The following DENND3 variants were observed in gnomAD, a reference collection of about 807,000 sequenced individuals.
The protein encoded by DENND3 is DENN domain-containing protein 3.
DENND3 carries 88 observed loss-of-function variants against 135.1 expected under a neutral mutation model. That is an observed-to-expected ratio of 0.65 (90% CI 0.55 to 0.78). The LOEUF (loss-of-function observed/expected upper bound fraction) is 0.78. DENND3 is among the 30% of genes least tolerant of loss of function. The pLI, the probability that DENND3 is intolerant of heterozygous loss-of-function variation, is 0.00. For missense variants in DENND3, 1,392 were observed against 1,688.4 expected (o/e 0.82, Z 3.08); for synonymous variants, 693 against 712.3 (o/e 0.97, Z 0.43).
chr8:141,143,264 G>T (rs1475919011), intron 4 of DENND3, among the ~76,000 whole-genome samples: 1 of 152,026 alleles, frequency 6.6e-6, no homozygotes. Context: ...AGTATGGGTA[G>T]TTTTTTTTAA....
intron 13 of DENND3, among the ~76,000 whole-genome samples, chr8:141,171,549 C>T (rs1387664261): frequency 6.6e-6 from 1 of 152,196 alleles, no homozygotes; most frequent in Non-Finnish European, 1.5e-5. Flanking sequence ...GAGAGGTTAA[C>T]GGCTGGTGTT....
At position 141,174,414 on chromosome 8, in the gene DENND3, G is replaced by A. The variant is rs1019565357; in HGVS notation, c.2276-786G>A. ...GGGACAGAGAGAGGGACACTGGGTG[G>A]AGGCAGAGCCGAGCAGGCAGGCTAG... On this transcript the variant is annotated intron_variant, in intron 13 of 22. Coordinates refer to ENST00000519811, the MANE Select transcript of DENND3 (RefSeq NM_001352890.3). This position sits in a 1 kb window ranked among gnomAD's most constrained non-coding sequence, Gnocchi z 4.6. 3.9e-5 allele frequency among the ~76,000 whole-genome samples: 6 copies of A among 152,126 alleles called. No individual in the cohort carries two copies. The highest frequency in any genetic ancestry group is 1.4e-4 in the African/African-American group (6 of 41,422).
chr8:141,172,519 C>T (rs530604668), intron 13 of DENND3, among the ~76,000 whole-genome samples: 20 of 152,260 alleles, frequency 1.3e-4, no homozygotes, highest in East Asian at 7.7e-4. Flanking sequence ...CCCTGCCAAG[C>T]CCCCCAGTAA....
rs757105880 is a variant in DENND3, at chr8:141,175,551, C to G, written c.2535+92C>G. Reference sequence around the variant, plus strand: ...GCCCTGAGCAGTCTGCCAGCCATGCCAAGTACCAGCTGCAGCCCTTCTGCA... The same window carrying G: ...GCCCTGAGCAGTCTGCCAGCCATGCGAAGTACCAGCTGCAGCCCTTCTGCA... On this transcript the variant is annotated intron_variant, in intron 14 of 22. Transcript: ENST00000519811. The surrounding 1 kb of genome is among the most constrained non-coding windows in gnomAD (Gnocchi z 5.4). The G allele has an allele frequency of 6.3e-7, 1 of 1,593,720 alleles. No homozygotes were observed.
intron 22 of DENND3, 146 bp downstream of exon 22, chr8:141,192,809 G>A (rs769236075): frequency 6.4e-7 from 1 of 1,572,560 alleles, no homozygotes; most frequent in African/African-American, 1.4e-5. Flanking sequence ...GGCACGTGCA[G>A]GGTTGGTGCC....
intron 1 of DENND3, among the ~76,000 whole-genome samples, chr8:141,133,234 C>G (rs1816357111): frequency 3.3e-5 from 5 of 151,928 alleles, no homozygotes; most frequent in Admixed American, 3.3e-4. Flanking sequence ...TTCTGAGAAC[C>G]CCAGGGAGTT....
chr8:141,138,282 AC>A lies in DENND3; in HGVS notation c.501+147del. Reference sequence around the variant, plus strand: ...AGTACATTCACAGCATTGTGCAACCACCACCAATGTCTAGGTCCAAAACGCT... The same window carrying A: ...AGTACATTCACAGCATTGTGCAACCACACCAATGTCTAGGTCCAAAACGCT... On this transcript the variant is annotated intron_variant, in intron 3 of 22. Transcript: ENST00000519811. This position sits in a 1 kb window ranked among gnomAD's most constrained non-coding sequence, Gnocchi z 4.8. The A allele has an allele frequency of 2.3e-6, 2 of 868,702 alleles. No homozygotes were observed. Among genetic ancestry groups the A allele is most frequent in the South Asian group, 1.7e-5 (1 of 58,366 alleles). The allele number at this position is 868,702 out of a possible 1,614,324, so 53.8% of individuals were successfully genotyped here. A position where few individuals can be genotyped will look rare whatever the true frequency, so the allele number is the denominator to read the frequency against.
rs758081266 is a variant in DENND3 at position 141,176,732 on chromosome 8, G to T, written c.2677G>T (p.Ala893Ser). ...LWHLMVKEMW[A>S]GKKLADDHKD... ...GCACCTGATGGTGAAGGAGATGTGG[G>T]CTGGGAAGAAGCTGGCCGATGACCA... is the stretch of plus-strand genomic sequence containing the variant. The change falls in exon 15 of 23, where the codon GCT (alanine) becomes TCT (serine). Residue 893 changes from alanine to serine, a missense_variant. Physicochemically the swap from Ala to Ser is moderately conservative, Grantham distance 99. Coordinates refer to ENST00000519811, the MANE Select transcript of DENND3 (RefSeq NM_001352890.3). 3.7e-6 allele frequency: 6 copies of T among 1,613,984 alleles called. No individual in the cohort carries two copies. The Admixed American group carries it at 1.0e-4, about 27-fold the overall frequency.
chr8:141,188,691 A>C (rs1824261582), intron 18 of DENND3: 1 of 342,156 alleles, frequency 2.9e-6, no homozygotes, highest in African/African-American at 2.2e-5. Flanking sequence ...CATGTGTGAG[A>C]TGAGCTTGGT....
intron 5 of DENND3, among the ~76,000 whole-genome samples, chr8:141,145,416 A>G (rs1454223686): frequency 6.6e-6 from 1 of 152,188 alleles, no homozygotes; most frequent in African/African-American, 2.4e-5. Context: ...TGTAAAATGC[A>G]TAAAACCAAA....
In DENND3 at chr8:141,182,543, T is replaced by C. The variant is rs1823279663; in HGVS notation, c.2944+1689T>C. 1.0e-6 allele frequency: 1 copy of C among 969,290 alleles called. No homozygotes were observed. The allele number at this position is 969,290 out of a possible 1,614,324, so 60.0% of individuals were successfully genotyped here. ...AATGAAACTCACTCTGAGCTTCCTG[T>C]TGTGACGGGCGAGGAGTTCAGGCGG... On this transcript the variant is annotated intron_variant, in intron 17 of 22. Transcript: ENST00000519811. The surrounding 1 kb of genome is among the most constrained non-coding windows in gnomAD (Gnocchi z 5.9).
intron 18 of DENND3, among the ~76,000 whole-genome samples, chr8:141,185,780 G>A (rs1392177325): frequency 6.6e-6 from 1 of 151,404 alleles, no homozygotes; most frequent in Admixed American, 6.6e-5. Flanking sequence ...AGCCAAGATC[G>A]CGCCACTGCA....
rs1817181810 is a variant in DENND3 at position 141,139,410 on chromosome 8, G to A, written c.501+1273G>A. Among the ~76,000 whole-genome samples the A allele has an allele frequency of 6.6e-6, 1 of 152,178 alleles. No homozygotes were observed. The highest frequency in any genetic ancestry group is 1.5e-5 in the Non-Finnish European group (1 of 68,028). ...TCTGAATGCATAATCTTAGGTTTCT[G>A]GGAGAGGTCATTTTCACAGTGTGCC... On this transcript the variant is annotated intron_variant, in intron 3 of 22. Transcript: ENST00000519811. This position sits in a 1 kb window ranked among gnomAD's most constrained non-coding sequence, Gnocchi z 4.2.
In DENND3 at chr8:141,144,385, A is replaced by C; in HGVS notation, c.735+126A>C. 1 of 936,418 alleles carries C rather than the reference A, an allele frequency of 1.1e-6. No homozygotes were observed. Among genetic ancestry groups the C allele is most frequent in the Non-Finnish European group, 1.5e-6 (1 of 660,962 alleles). 58.0% of individuals were successfully genotyped at this position (936,418 alleles called of 1,614,324 possible). On this transcript the variant is annotated intron_variant, in intron 5 of 22. Transcript: ENST00000519811. This position sits in a 1 kb window ranked among gnomAD's most constrained non-coding sequence, Gnocchi z 4.4. ...TGTTGTAAACCTAAAATAACATCCT[A>C]ACCCCCCCGCCTCCCCACAGCTGAC...
chr8:141,155,840 G>T lies in DENND3; in HGVS notation c.1075-9G>T. ...TATCAATCTTTACAGATGATTCCTT[G>T]TTTTCTAGGAAGCCGACGGTTTAGT... On this transcript the variant is annotated splice_polypyrimidine_tract_variant and intron_variant, in intron 7 of 22. Coordinates refer to ENST00000519811, the MANE Select transcript of DENND3 (RefSeq NM_001352890.3). 1 of 1,579,344 alleles carries T rather than the reference G, an allele frequency of 6.3e-7. No homozygotes were observed. The highest frequency in any genetic ancestry group is 1.2e-5 in the South Asian group (1 of 85,510).
chr8:141,168,478 T>G lies in DENND3; in HGVS notation c.2228T>G (p.Val743Gly), dbSNP rs1035175843. The change falls in exon 13 of 23, where the codon GTG (valine) becomes GGG (glycine). Residue 743 changes from valine (V) to glycine (G), a missense_variant. Val to Gly is a moderately radical substitution (Grantham distance 109, BLOSUM62 -3). Transcript: ENST00000519811. The surrounding 1 kb of genome is among the most constrained non-coding windows in gnomAD (Gnocchi z 6.2). ...AAGCGGGTCCAGGAGTCAGGGATCGTGAAGGACGCCAGCATCATACACCGG... is the reference window on the plus strand; with the variant it reads ...AAGCGGGTCCAGGAGTCAGGGATCGGGAAGGACGCCAGCATCATACACCGG... Reference protein sequence around the residue: ...FMKRVQESGIVKDASIIHRLF... With the variant: ...FMKRVQESGIGKDASIIHRLF... 2.6e-5 allele frequency: 42 copies of G among 1,613,256 alleles called. No homozygotes were observed. Among genetic ancestry groups the G allele is most frequent in the Non-Finnish European group, 3.4e-5 (40 of 1,179,856 alleles).
chr8:141,140,955 G>A (rs568146514), intron 3 of DENND3, among the ~76,000 whole-genome samples: 1 of 152,322 alleles, frequency 6.6e-6, no homozygotes, highest in Non-Finnish European at 1.5e-5. Context: ...TTTATCTCAA[G>A]GCTGTCAGCT....
At position 141,128,786 on chromosome 8, in the gene DENND3, G is replaced by A; in HGVS notation, c.79G>A (p.Asp27Asn). ...ELCALLGAPR[D>N]SLRSLEQVAY... is the part of the protein sequence containing the mutation. ...CTGCGCGCTGCTGGGCGCCCCCCGG[G>A]ACAGTCTCCGAAGTCTCGAGCAGGT... is the stretch of plus-strand genomic sequence containing the variant. The change falls in exon 1 of 23, where the codon GAC (aspartate) becomes AAC (asparagine). Residue 27 changes from aspartate (D) to asparagine (N), a missense_variant. Transcript: ENST00000519811. This position sits in a 1 kb window ranked among gnomAD's most constrained non-coding sequence, Gnocchi z 4.5. The A allele has an allele frequency of 6.9e-7, 1 of 1,459,388 alleles. No homozygotes were observed. The highest frequency in any genetic ancestry group is 9.0e-7 in the Non-Finnish European group (1 of 1,105,910). The allele number at this position is 1,459,388 out of a possible 1,614,324, so 90.4% of individuals were successfully genotyped here.
chr8:141,162,464 G>T (rs1040482446), intron 9 of DENND3, among the ~76,000 whole-genome samples: 1 of 152,110 alleles, frequency 6.6e-6, no homozygotes, highest in African/African-American at 2.4e-5. Context: ...GATTACATAT[G>T]ATAAAACTTT....
Sources: allele counts gnomAD v4.1 joint callset (sites outside exome capture counted in the v4.1 genomes callset), GRCh38; gene constraint gnomAD v4.1.1; non-coding constraint Gnocchi (gnomAD v3.1); transcripts MANE v1.5; gene names NCBI Gene and HGNC (gene_info 2026-07-23, HGNC 2026-07-21).